The following R3HDM2 variants were observed in gnomAD, a reference collection of about 807,000 sequenced individuals.
The protein encoded by R3HDM2 is R3H domain containing 2.
Under a neutral mutation model 124.5 loss-of-function variants are expected in R3HDM2, and 38 were observed. The observed-to-expected ratio is 0.31, with a 90% CI of 0.24 to 0.40. R3HDM2 has a LOEUF of 0.40. Among genes scored for constraint, R3HDM2 ranks in the 10% least tolerant of loss-of-function variants. R3HDM2 has a pLI of 1.00. For missense variants in R3HDM2, 869 were observed against 1,236.9 expected (o/e 0.70, Z 4.46); for synonymous variants, 391 against 448.0 (o/e 0.87, Z 1.61).
chr12:57,256,595 G>T, intron 21 of R3HDM2, 84 bp from the exon 22 acceptor site: 2 of 948,374 alleles, frequency 2.1e-6, no homozygotes, highest in Non-Finnish European at 3.1e-6. Flanking sequence ...TTTGGAGACA[G>T]CAACAATGCA....
At chr12:57,357,889 C>T (rs1354996811) in intron 2 of R3HDM2, among the ~76,000 whole-genome samples, 1 of 151,824 alleles carries the variant, frequency 6.6e-6, no homozygotes, top group African/African-American at 2.4e-5. Flanking sequence ...TCTAATTTCC[C>T]TTATTAATTC....
intron 19 of R3HDM2, among the ~76,000 whole-genome samples, chr12:57,262,356 T>C (rs1218362012): frequency 1.3e-5 from 2 of 152,174 alleles, no homozygotes; most frequent in African/African-American, 4.8e-5. Context: ...TGGGAGTCTC[T>C]GTATAGGTAT....
chr12:57,317,694 T>C (rs1453172669), intron 2 of R3HDM2, among the ~76,000 whole-genome samples: 1 of 127,274 alleles, frequency 7.9e-6, no homozygotes, highest in African/African-American at 3.0e-5. Context: ...AAAAAGGGTA[T>C]ATTAACAGAG....
chr12:57,388,109 C>T (rs770432966), intron 2 of R3HDM2, among the ~76,000 whole-genome samples: 1 of 152,074 alleles, frequency 6.6e-6, no homozygotes, highest in South Asian at 2.1e-4. Context: ...GGATTACAGG[C>T]GCCTGCCACC....
At chr12:57,271,760 G>T (rs1330581590) in intron 14 of R3HDM2, among the ~76,000 whole-genome samples, 1 of 152,202 alleles carries the variant, frequency 6.6e-6, no homozygotes, top group African/African-American at 2.4e-5. Flanking sequence ...ATCTTCAAAG[G>T]ATTTGTAGAG....
At chr12:57,399,408 T>A (rs1346176104) in intron 1 of R3HDM2, among the ~76,000 whole-genome samples, 2 of 151,562 alleles carry the variant, frequency 1.3e-5, no homozygotes, top group Non-Finnish European at 2.9e-5. Context: ...TCTCAAAAAA[T>A]AAAATAAAAT....
At chr12:57,419,868 C>A (rs1419222055) in intron 1 of R3HDM2, among the ~76,000 whole-genome samples, 1 of 152,020 alleles carries the variant, frequency 6.6e-6, no homozygotes, top group Admixed American at 6.6e-5. Flanking sequence ...CCCTCAGCAG[C>A]TATCTCTCCC....
At chr12:57,299,238 A>C in intron 6 of R3HDM2, 114 bp downstream of exon 6, 1 of 1,235,576 alleles carries the variant, frequency 8.1e-7, no homozygotes, top group Non-Finnish European at 1.1e-6. Flanking sequence ...CAAGCAACCA[A>C]GTTAGCAGAA....
At chr12:57,301,127 A>AAT (rs1453067159) in intron 4 of R3HDM2, among the ~76,000 whole-genome samples, 1 of 151,824 alleles carries the variant, frequency 6.6e-6, no homozygotes, top group Non-Finnish European at 1.5e-5. Flanking sequence ...ACAAAAAATA[A>AAT]AAAAAAATAA....
intron 2 of R3HDM2, among the ~76,000 whole-genome samples, chr12:57,352,235 C>G (rs1394217486): frequency 7.7e-6 from 1 of 129,212 alleles, no homozygotes; most frequent in Admixed American, 7.9e-5. Flanking sequence ...CAGCAAGACT[C>G]CATCTCAAAA....
chr12:57,321,606 G>A (rs564251850), intron 2 of R3HDM2, among the ~76,000 whole-genome samples: 5 of 152,156 alleles, frequency 3.3e-5, no homozygotes, highest in South Asian at 4.1e-4. Flanking sequence ...AGCCAAGAAC[G>A]GGCCATTGCA....
At chr12:57,288,831 G>A in intron 12 of R3HDM2, 178 bp downstream of exon 12, 1 of 1,518,834 alleles carries the variant, frequency 6.6e-7, no homozygotes, top group East Asian at 2.5e-5. Flanking sequence ...AAATAAAAAG[G>A]AGAGATATAG....
At chr12:57,297,523 C>G in intron 7 of R3HDM2, 136 bp from the exon 8 acceptor site, 1 of 545,334 alleles carries the variant, frequency 1.8e-6, no homozygotes, top group South Asian at 2.8e-5. Flanking sequence ...CAGTAATGAA[C>G]CATAATGCTG....
Position 57,254,789 on chromosome 12 carries a change from C to A in R3HDM2, c.2957G>T (p.Arg986Leu). 1 of 1,565,790 alleles carries A rather than the reference C, an allele frequency of 6.4e-7. No homozygotes were observed. The highest frequency in any genetic ancestry group is 1.2e-5 in the South Asian group (1 of 85,046). The change falls in exon 24 of 24, where the codon CGA becomes CTA. Residue 986 changes from arginine to leucine, a missense_variant. Arg to Leu is a moderately radical substitution (Grantham distance 102, BLOSUM62 -2). Around this residue, in one of 2 missense-constraint regions of R3HDM2, gnomAD observed 602 missense variants for 789.2 expected, o/e 0.76. Coordinates refer to ENST00000402412, the MANE Select transcript of R3HDM2 (RefSeq NM_001394031.1). ...KKNYDLRILE[R>L]ASSQ is the part of the protein sequence containing the mutation. ...CTCCTCCATTTATTGGGAGCTGGCTCGCTCCAGGATCCTCAGGTCATAGTT... is the reference window on the plus strand; with the variant it reads ...CTCCTCCATTTATTGGGAGCTGGCTAGCTCCAGGATCCTCAGGTCATAGTT...
At chr12:57,420,622 T>C (rs1594647300) in intron 1 of R3HDM2, among the ~76,000 whole-genome samples, 1 of 151,882 alleles carries the variant, frequency 6.6e-6, no homozygotes, top group South Asian at 2.1e-4. Flanking sequence ...CCCATAGTAT[T>C]GGGATTACGG....
At chr12:57,380,477 T>C (rs1161113214) in intron 2 of R3HDM2, among the ~76,000 whole-genome samples, 1 of 152,138 alleles carries the variant, frequency 6.6e-6, no homozygotes, top group African/African-American at 2.4e-5. Flanking sequence ...CAAATTAAAG[T>C]GTGGCAACAA....
intron 14 of R3HDM2, chr12:57,272,587 GAA>G (rs1289483243): frequency 1.6e-6 from 1 of 628,262 alleles, no homozygotes; most frequent in Non-Finnish European, 2.1e-6. Context: ...GTGGAAAAGG[GAA>G]GAGAAAAGAG....
intron 1 of R3HDM2, among the ~76,000 whole-genome samples, chr12:57,402,294 CAA>C (rs535082591): frequency 3.8e-5 from 5 of 130,740 alleles, no homozygotes; most frequent in Non-Finnish European, 3.3e-5. Context: ...GACTCCATCT[CAA>C]AAAAAAAAAA....
At chr12:57,349,466 G>A (rs1161803707) in intron 2 of R3HDM2, among the ~76,000 whole-genome samples, 1 of 149,170 alleles carries the variant, frequency 6.7e-6, no homozygotes, top group Non-Finnish European at 1.5e-5. Flanking sequence ...AATAGTGTTT[G>A]CAGCATTTTT....
Sources: gnomAD v4.1 joint callset for allele counts (sites outside exome capture counted in the v4.1 genomes callset) on GRCh38, gnomAD v4.1.1 for gene constraint, gnomAD v4.1.1 regional missense constraint, MANE v1.5 for transcripts, NCBI Gene and HGNC (gene_info 2026-07-23, HGNC 2026-07-21) for gene names.